FSTL4: variants seen among roughly 807,000 people sequenced by gnomAD.
FSTL4 encodes follistatin-related protein 4.
In FSTL4, 28 loss-of-function variants were observed where a neutral mutation model predicts 78.2. The observed-to-expected ratio is 0.36, with a 90% CI of 0.27 to 0.49. The LOEUF is 0.49. FSTL4 is among the 20% of genes least tolerant of loss of function. FSTL4 has a pLI of 0.98. For synonymous variants in FSTL4, 422 were observed against 440.5 expected, an observed-to-expected ratio of 0.96 and a Z score of 0.53; for missense variants, 922 against 1,084.9, an observed-to-expected ratio of 0.85 and a Z score of 2.11.
chr5:133,328,443 AG>A (rs1416938128), intron 4 of FSTL4, among the ~76,000 whole-genome samples: 4 of 152,166 alleles, frequency 2.6e-5, no homozygotes, highest in Non-Finnish European at 4.4e-5. Context: ...TCCCTGGGAG[AG>A]GGATCCACAT....
intron 6 of FSTL4, among the ~76,000 whole-genome samples, chr5:133,301,970 G>A (rs1250075301): frequency 1.2e-4 from 19 of 152,044 alleles, no homozygotes; most frequent in Admixed American, 1.2e-3. Context: ...CCACAGCCAG[G>A]GGAAGATTTG....
At chr5:133,480,574 G>A (rs1238580391) in intron 3 of FSTL4, among the ~76,000 whole-genome samples, 1 of 151,974 alleles carries the variant, frequency 6.6e-6, no homozygotes, top group Admixed American at 6.6e-5. Context: ...TTGGATCAAC[G>A]TGAAGCCGGT....
chr5:133,835,028 T>C, the FSTL4 span, among the ~76,000 whole-genome samples: 5 of 152,126 alleles, frequency 3.3e-5, no homozygotes, highest in African/African-American at 1.2e-4. Context: ...AATAAGTGAA[T>C]TAAGAAAGAT....
At chr5:133,467,148 A>G (rs1323822835) in intron 3 of FSTL4, among the ~76,000 whole-genome samples, 4 of 149,354 alleles carry the variant, frequency 2.7e-5, no homozygotes, top group Non-Finnish European at 6.0e-5. Context: ...GTATATGTGT[A>G]TGTGTGTGAG....
At chr5:133,734,993 T>C in the FSTL4 span, among the ~76,000 whole-genome samples, 1 of 152,182 alleles carries the variant, frequency 6.6e-6, no homozygotes, top group East Asian at 1.9e-4. Context: ...GGGGGCCCCA[T>C]GGGACTGTGC....
At chr5:133,534,678 G>A (rs1212608076) in intron 3 of FSTL4, among the ~76,000 whole-genome samples, 1 of 151,980 alleles carries the variant, frequency 6.6e-6, no homozygotes, top group Non-Finnish European at 1.5e-5. Flanking sequence ...TTCAAAAATG[G>A]TTACTAGGAT....
At chr5:133,567,340 T>C in intron 2 of FSTL4, 121 bp from the exon 3 acceptor site, 2 of 757,936 alleles carry the variant, frequency 2.6e-6, no homozygotes, top group East Asian at 5.2e-5. Context: ...ACGAAGAACA[T>C]GACACTGAGC....
chr5:133,482,753 G>A (rs540867877), intron 3 of FSTL4, among the ~76,000 whole-genome samples: 35 of 152,156 alleles, frequency 2.3e-4, no homozygotes, highest in Non-Finnish European at 4.3e-4. Context: ...GCCTCCCAGG[G>A]AGGGCAGGGG....
At chr5:133,269,202 A>AG (rs1314446224) in intron 6 of FSTL4, among the ~76,000 whole-genome samples, 1 of 151,914 alleles carries the variant, frequency 6.6e-6, no homozygotes, top group African/African-American at 2.4e-5. Flanking sequence ...AAAAAAAAAA[A>AG]AAAGAAAGAG....
At chr5:133,396,168 C>G (rs776088794) in intron 4 of FSTL4, among the ~76,000 whole-genome samples, 2 of 152,202 alleles carry the variant, frequency 1.3e-5, no homozygotes, top group Non-Finnish European at 2.9e-5. Flanking sequence ...AAGGGTCTTA[C>G]AGCTTGTTGC....
intron 4 of FSTL4, among the ~76,000 whole-genome samples, chr5:133,334,494 G>A (rs1333222691): frequency 8.5e-5 from 13 of 152,102 alleles, no homozygotes; most frequent in African/African-American, 2.7e-4. Context: ...TGTGGGGTGC[G>A]TCTGGGCACT....
the FSTL4 span, among the ~76,000 whole-genome samples, chr5:133,757,243 A>G: frequency 0.13 from 19,959 of 152,240 alleles, 2,462 homozygotes; most frequent in African/African-American, 0.33. Context: ...TAATTTTAAT[A>G]ATTTTTTTAT....
chr5:133,405,690 G>A (rs1056183949), intron 3 of FSTL4, among the ~76,000 whole-genome samples: 5 of 152,188 alleles, frequency 3.3e-5, no homozygotes, highest in Admixed American at 1.3e-4. Flanking sequence ...ACCCTCACAC[G>A]TGGCAAGGTG....
At chr5:133,607,777 A>G (rs971426024) in intron 1 of FSTL4, among the ~76,000 whole-genome samples, 2 of 152,140 alleles carry the variant, frequency 1.3e-5, no homozygotes, top group African/African-American at 4.8e-5. Flanking sequence ...CATGGCTCCA[A>G]CCAAGGGCAG....
chr5:133,666,579 T>TA, the FSTL4 span, among the ~76,000 whole-genome samples: 21,714 of 140,864 alleles, frequency 0.15, 2,036 homozygotes, highest in African/African-American at 0.28. Flanking sequence ...GTTCTCTGTT[T>TA]AAAAAAAAAA....
At chr5:133,705,771 A>G in the FSTL4 span, among the ~76,000 whole-genome samples, 1 of 150,550 alleles carries the variant, frequency 6.6e-6, no homozygotes, top group Admixed American at 6.6e-5. Flanking sequence ...TTTCCCCTCT[A>G]CTCATCCTCT....
chr5:133,250,080 G>T (rs1752173348), intron 6 of FSTL4, among the ~76,000 whole-genome samples: 1 of 152,224 alleles, frequency 6.6e-6, no homozygotes, highest in Non-Finnish European at 1.5e-5. Context: ...ATCTTTGAAG[G>T]TTTGTTTCTG....
chr5:133,521,052 T>C (rs988013737), intron 3 of FSTL4, among the ~76,000 whole-genome samples: 2 of 152,124 alleles, frequency 1.3e-5, no homozygotes, highest in Admixed American at 6.5e-5. Context: ...AAATTTTTTT[T>C]TCATCAAGCA....
intron 2 of FSTL4, among the ~76,000 whole-genome samples, chr5:133,579,521 G>A (rs949648370): frequency 1.3e-5 from 2 of 152,168 alleles, no homozygotes; most frequent in African/African-American, 4.8e-5. Flanking sequence ...AGAAAATCAT[G>A]ACAGTCTTGT....
Sources: gnomAD v4.1 joint callset for allele counts (sites outside exome capture counted in the v4.1 genomes callset) on GRCh38, gnomAD v4.1.1 for gene constraint, MANE v1.5 for transcripts, NCBI Gene and HGNC (gene_info 2026-07-23, HGNC 2026-07-21) for gene names.